Variants in TRIO observed in about 807,000 individuals in gnomAD.
The protein encoded by TRIO is trio Rho guanine nucleotide exchange factor, also known as triple functional domain protein.
TRIO carries 58 observed loss-of-function variants against 351.9 expected under a neutral mutation model. The observed-to-expected ratio is 0.16, with a 90% CI of 0.13 to 0.21. TRIO has a LOEUF of 0.21. Among genes scored for constraint, TRIO ranks in the 10% least tolerant of loss-of-function variants. TRIO has a pLI of 1.00. For missense variants in TRIO, 3,201 were observed against 4,027.8 expected, an observed-to-expected ratio of 0.79 and a Z score of 5.56; for synonymous variants, 1,758 against 1,595.7, an observed-to-expected ratio of 1.10 and a Z score of -2.42.
At chr5:14,270,196 G>T (rs1189020702) in intron 1 of TRIO, among the ~76,000 whole-genome samples, 2 of 152,162 alleles carry the variant, frequency 1.3e-5, no homozygotes, top group Non-Finnish European at 2.9e-5. Context: ...TTGGTTTTTA[G>T]TGAGAAGAGG....
At chr5:14,478,312 T>G (rs542437899) in intron 41 of TRIO, among the ~76,000 whole-genome samples, 2 of 152,248 alleles carry the variant, frequency 1.3e-5, no homozygotes, top group African/African-American at 4.8e-5. Context: ...TACTATAAAT[T>G]TGTGGCAGTG....
intron 45 of TRIO, among the ~76,000 whole-genome samples, chr5:14,482,149 C>G (rs1437137335): frequency 6.6e-6 from 1 of 151,988 alleles, no homozygotes; most frequent in African/African-American, 2.4e-5. Flanking sequence ...TTTTTATTTT[C>G]TTGCCTACTG....
Position 14,300,183 on chromosome 5 carries a change from A to T in TRIO, c.1368+2920A>T, listed in dbSNP as rs149049342. Reference sequence around the variant, plus strand: ...TGGTCATGTGGTATATCCACAGGACAGACCCTTTATATTAAGACGCTTTCA... The same window carrying T: ...TGGTCATGTGGTATATCCACAGGACTGACCCTTTATATTAAGACGCTTTCA... On this transcript the variant is annotated intron_variant, in intron 7 of 56. Transcript: ENST00000344204. Among the ~76,000 whole-genome samples the T allele has an allele frequency of 7.9e-5, 12 of 152,362 alleles. No individual in the cohort carries two copies. In the East Asian group the frequency reaches 2.3e-3, roughly 29 times the overall value.
At position 14,406,313 on chromosome 5, in the gene TRIO, C is replaced by T. The variant is rs1253384580; in HGVS notation, c.4860-260C>T. 2.3e-5 allele frequency: 13 copies of T among 560,080 alleles called. No homozygotes were observed. The Middle Eastern group carries it at 3.4e-3, about 145-fold the overall frequency. The allele number at this position is 560,080 out of a possible 1,614,324, so 34.7% of individuals were successfully genotyped here. On this transcript the variant is annotated intron_variant, in intron 32 of 56. Coordinates refer to ENST00000344204, the MANE Select transcript of TRIO (RefSeq NM_007118.4). Reference sequence around the variant, plus strand: ...TAAAGCATCGAGATGTTGCTGTTTTCTCATTTTTAAAATGGCAACGATCAT... The same window carrying T: ...TAAAGCATCGAGATGTTGCTGTTTTTTCATTTTTAAAATGGCAACGATCAT...
chr5:14,410,476 G>A (rs578111035), intron 33 of TRIO, among the ~76,000 whole-genome samples: 11 of 152,242 alleles, frequency 7.2e-5, no homozygotes, highest in Admixed American at 2.6e-4. Flanking sequence ...CTCCGGTGAC[G>A]GTAATTTTCC....
chr5:14,371,735 G>A (rs745344130), intron 18 of TRIO, among the ~76,000 whole-genome samples: 6 of 151,298 alleles, frequency 4.0e-5, no homozygotes, highest in East Asian at 1.9e-4. Flanking sequence ...TAGACTCCTG[G>A]GCTTAAGTGA....
intron 11 of TRIO, among the ~76,000 whole-genome samples, chr5:14,346,729 C>G (rs1014275528): frequency 3.3e-5 from 5 of 152,216 alleles, no homozygotes; most frequent in African/African-American, 7.2e-5. Context: ...TTTGACCAGG[C>G]CTTTCAACAT....
intron 46 of TRIO, 21 bp downstream of exon 46, chr5:14,482,794 A>G: frequency 6.6e-7 from 1 of 1,521,548 alleles, no homozygotes; most frequent in South Asian, 1.3e-5. Context: ...TCTCTGTGTG[A>G]TTTCTCTGTG....
chr5:14,187,321 G>A (rs1000022867), intron 1 of TRIO, among the ~76,000 whole-genome samples: 1 of 152,228 alleles, frequency 6.6e-6, no homozygotes, highest in Non-Finnish European at 1.5e-5. Context: ...CGGAAAAGCA[G>A]AAGTTGCTAG....
At chr5:14,284,985 C>G (rs758852334) in intron 3 of TRIO, among the ~76,000 whole-genome samples, 9 of 152,052 alleles carry the variant, frequency 5.9e-5, no homozygotes, top group Admixed American at 6.6e-5. Context: ...AATGGAATCT[C>G]GAGGGATTGC....
intron 1 of TRIO, among the ~76,000 whole-genome samples, chr5:14,173,189 CCT>C (rs1491489736): frequency 2.1e-4 from 27 of 127,982 alleles, no homozygotes; most frequent in African/African-American, 8.7e-4. Context: ...ATTGTATGTT[CCT>C]TTTTTTTTTT....
At position 14,471,455 on chromosome 5, in the gene TRIO, A is replaced by G; in HGVS notation, c.5901A>G (p.Leu1967=). ...TGGAAGAAAGGAAATCCAGCTCTTTAAAGAGAAGACAGTAAGACAGAAATG... is the reference window on the plus strand; with the variant it reads ...TGGAAGAAAGGAAATCCAGCTCTTTGAAGAGAAGACAGTAAGACAGAAATG... ...DEMEERKSSS[L]KRRHYVLQEL... The change falls in exon 38 of 57, where the codon TTA becomes TTG. Residue 1967 remains leucine, a synonymous_variant. Coordinates refer to ENST00000344204, the MANE Select transcript of TRIO (RefSeq NM_007118.4). The G allele has an allele frequency of 6.2e-7, 1 of 1,614,130 alleles. No individual in the cohort carries two copies. The highest frequency in any genetic ancestry group is 8.5e-7 in the Non-Finnish European group (1 of 1,179,994).
chr5:14,491,975 T>C (rs143650323), intron 48 of TRIO, among the ~76,000 whole-genome samples: 42 of 152,354 alleles, frequency 2.8e-4, no homozygotes, highest in African/African-American at 9.4e-4. Context: ...AGCAGAATAG[T>C]GATCGATTTA....
chr5:14,199,195 C>A (rs1251703538), intron 1 of TRIO, among the ~76,000 whole-genome samples: 51 of 74,236 alleles, frequency 6.9e-4, no homozygotes, highest in South Asian at 1.8e-3. Context: ...GAGTGGGACT[C>A]AAAAAAAAAA....
At chr5:14,403,684 GGTGGTGAGGGTGTAGGTT>G (rs1561448683) in intron 31 of TRIO, among the ~76,000 whole-genome samples, 99 of 113,174 alleles carry the variant, frequency 8.7e-4, no homozygotes, top group Non-Finnish European at 1.1e-3. Flanking sequence ...GGGTGCAGGT[GGTGGTGAGGGTGTAGGTT>G]GTGGTGAGGG....
intron 18 of TRIO, among the ~76,000 whole-genome samples, chr5:14,369,960 C>T (rs1235861388): frequency 1.3e-5 from 2 of 152,174 alleles, no homozygotes; most frequent in Admixed American, 6.5e-5. Context: ...AGACACAGTG[C>T]GAGCGCCACA....
intron 10 of TRIO, among the ~76,000 whole-genome samples, chr5:14,334,759 G>T (rs761689490): frequency 3.7e-4 from 57 of 152,222 alleles, no homozygotes; most frequent in Non-Finnish European, 7.1e-4. Context: ...GGGTAAGCAG[G>T]GACTTCCAAG....
Position 14,359,169 on chromosome 5 carries a change from T to G in TRIO, c.2217-188T>G, listed in dbSNP as rs568491104. ...AGAAATTCTTCAATGTATCCTCAGA[T>G]TCAGCAGGATTGCCCCGAGGAGGAA... On this transcript the variant is annotated intron_variant, in intron 12 of 56. Coordinates refer to ENST00000344204, the MANE Select transcript of TRIO (RefSeq NM_007118.4). Among the ~76,000 whole-genome samples, 3 of 152,356 alleles carry G rather than the reference T, an allele frequency of 2.0e-5. No individual in the cohort carries two copies. In the South Asian group the frequency reaches 6.2e-4, roughly 32 times the overall value.
chr5:14,396,921 C>T, intron 28 of TRIO, 122 bp from the exon 29 acceptor site: 2 of 743,268 alleles, frequency 2.7e-6, no homozygotes, highest in Non-Finnish European at 2.2e-6. Flanking sequence ...GAACATATGC[C>T]CAGTTGACCA....
Sources: gnomAD v4.1 joint callset for allele counts (sites outside exome capture counted in the v4.1 genomes callset) on GRCh38, gnomAD v4.1.1 for gene constraint, MANE v1.5 for transcripts, NCBI Gene and HGNC (gene_info 2026-07-23, HGNC 2026-07-21) for gene names.